HACE1: variants seen among roughly 807,000 people sequenced by gnomAD.
HACE1 encodes the protein HECT domain and ankyrin repeat containing E3 ubiquitin protein ligase 1.
A neutral mutation model predicts 118.4 loss-of-function variants in HACE1; 73 were observed. That is an observed-to-expected ratio of 0.62 (90% CI 0.51 to 0.75). The LOEUF is 0.75. HACE1 is among the 30% of genes least tolerant of loss of function. HACE1 has a pLI of 0.00. For synonymous variants in HACE1, 368 were observed against 374.8 expected, an observed-to-expected ratio of 0.98 and a Z score of 0.21; for missense variants, 749 against 1,102.2, an observed-to-expected ratio of 0.68 and a Z score of 4.54.
chr6:104,742,007 C>T (rs1290652408), intron 22 of HACE1, among the ~76,000 whole-genome samples: 1 of 150,004 alleles, frequency 6.7e-6, no homozygotes, highest in Non-Finnish European at 1.5e-5. Flanking sequence ...AATAACGCCA[C>T]GTATCTACAA....
chr6:104,803,898 C>A (rs566700543), intron 7 of HACE1, among the ~76,000 whole-genome samples: 1 of 152,204 alleles, frequency 6.6e-6, no homozygotes, highest in East Asian at 1.9e-4. Context: ...TAACAGTATT[C>A]AATTAGGAAA....
chr6:104,809,700 G>C (rs551169777), intron 7 of HACE1, among the ~76,000 whole-genome samples: 144 of 148,506 alleles, frequency 9.7e-4, no homozygotes, highest in African/African-American at 3.0e-3. Context: ...GGAAAGAAGA[G>C]ATTGGAGGGA....
chr6:104,763,483 C>CCA (rs1779631429), intron 19 of HACE1, among the ~76,000 whole-genome samples: 1 of 152,086 alleles, frequency 6.6e-6, no homozygotes, highest in South Asian at 2.1e-4. Flanking sequence ...TCTCAGCCAC[C>CCA]CGTGTAGACA....
At position 104,750,474 on chromosome 6, in the gene HACE1, T is replaced by G. The variant is rs772400789; in HGVS notation, c.2212-2A>C. ...AGTAACAAGCTGGACGTACTCCGCC[T>G]GTTGAAAAAGAAGTTTTCATGATGA... is the stretch of plus-strand genomic sequence containing the variant. On this transcript the variant is annotated splice_acceptor_variant, in intron 19 of 23. Coordinates refer to ENST00000262903, the MANE Select transcript of HACE1 (RefSeq NM_020771.4). LOFTEE classifies it high-confidence loss of function. The G allele has an allele frequency of 6.2e-7, 1 of 1,613,300 alleles. No homozygotes were observed. The highest frequency in any genetic ancestry group is 1.1e-5 in the South Asian group (1 of 91,038).
At chr6:104,738,169 C>T (rs1350060107) in intron 22 of HACE1, among the ~76,000 whole-genome samples, 4 of 152,168 alleles carry the variant, frequency 2.6e-5, no homozygotes, top group East Asian at 3.9e-4. Flanking sequence ...CCCATCTGTA[C>T]ATCACCATCA....
intron 7 of HACE1, among the ~76,000 whole-genome samples, chr6:104,806,456 T>C (rs1479721561): frequency 2.0e-5 from 3 of 152,066 alleles, no homozygotes; most frequent in African/African-American, 7.2e-5. Flanking sequence ...AACAAGACCC[T>C]GTCTCTAAAA....
chr6:104,800,111 C>A (rs1015003038), intron 7 of HACE1, among the ~76,000 whole-genome samples: 1 of 152,096 alleles, frequency 6.6e-6, no homozygotes, highest in Non-Finnish European at 1.5e-5. Context: ...TCACTGCTAG[C>A]GCAGCAGTCT....
Position 104,751,011 on chromosome 6 carries a change from C to T in HACE1, c.2212-539G>A, listed in dbSNP as rs1777984284. Among the ~76,000 whole-genome samples the T allele has an allele frequency of 2.0e-5, 3 of 152,218 alleles. No individual in the cohort carries two copies. The South Asian group carries it at 6.2e-4, about 32-fold the overall frequency. On this transcript the variant is annotated intron_variant, in intron 19 of 23. Coordinates refer to ENST00000262903, the MANE Select transcript of HACE1 (RefSeq NM_020771.4). The stretch of plus-strand genomic sequence containing the variant: ...TCTGGAGTAACATCCAAATTCCTTT[C>T]CTGGTCTCTAAGGCCCTAAATGATC...
chr6:104,828,239 C>T lies in HACE1; in HGVS notation c.534+4803G>A, dbSNP rs567644716. 1.8e-4 allele frequency among the ~76,000 whole-genome samples: 27 copies of T among 152,126 alleles called. No individual in the cohort carries two copies. The East Asian group carries it at 5.2e-3, about 29-fold the overall frequency. On this transcript the variant is annotated intron_variant, in intron 6 of 23. Coordinates refer to ENST00000262903, the MANE Select transcript of HACE1 (RefSeq NM_020771.4). ...CTAAAACTGAAATTAAAAAACAACACACTGGGCCCAGCTTCTTGTATAAGC... is the reference window on the plus strand; with the variant it reads ...CTAAAACTGAAATTAAAAAACAACATACTGGGCCCAGCTTCTTGTATAAGC...
rs150606553 is a variant in HACE1 at position 104,796,721 on chromosome 6, T to C, written c.750A>G (p.Gln250=). Residue 250 remains glutamine, a synonymous_variant, in exon 9 of 24, where the codon CAA becomes CAG. Transcript: ENST00000262903. ...GYGETCEVLI[Q]YHPRLFQTII... is the part of the protein sequence containing the mutation. ...TAGTCTGAAAAAGCCTCGGGTGATA[T>C]TGAATTAATACTTCACAAGTCTCTC... 1.9e-4 allele frequency: 308 copies of C among 1,593,894 alleles called. No homozygotes were observed. Among genetic ancestry groups the C allele is most frequent in the Non-Finnish European group, 2.3e-4 (268 of 1,162,212 alleles).
In HACE1 at chr6:104,728,911, A is replaced by C. The variant is rs1367036418; in HGVS notation, c.*751T>G. 6.6e-6 allele frequency: 1 copy of C among 152,618 alleles called. No homozygotes were observed. Among genetic ancestry groups the C allele is most frequent in the African/African-American group, 2.4e-5 (1 of 41,468 alleles). 9.5% of individuals were successfully genotyped at this position (152,618 alleles called of 1,614,324 possible). A position where few individuals can be genotyped will look rare whatever the true frequency, so the allele number is the denominator to read the frequency against. Reference sequence around the variant, plus strand: ...TCAGAGCTCACAGATAAAAGTAATGAAAAGAAACGTGGTAAAATACATTTT... The same window carrying C: ...TCAGAGCTCACAGATAAAAGTAATGCAAAGAAACGTGGTAAAATACATTTT... On this transcript the variant is annotated 3_prime_UTR_variant, in exon 24 of 24. Transcript: ENST00000262903.
At chr6:104,759,047 T>C (rs1779035233) in intron 19 of HACE1, among the ~76,000 whole-genome samples, 1 of 151,468 alleles carries the variant, frequency 6.6e-6, no homozygotes, top group Non-Finnish European at 1.5e-5. Flanking sequence ...CCCAGAATCA[T>C]AAAGCAAGTC....
At chr6:104,760,529 T>C (rs1026024731) in intron 19 of HACE1, among the ~76,000 whole-genome samples, 2 of 152,166 alleles carry the variant, frequency 1.3e-5, no homozygotes, top group African/African-American at 4.8e-5. Context: ...AAACTAGGAA[T>C]TGATGGAATG....
intron 3 of HACE1, 34 bp from the exon 4 acceptor site, chr6:104,849,280 T>G: frequency 8.8e-7 from 1 of 1,138,610 alleles, no homozygotes. Context: ...TCAGATACAT[T>G]CAACATACAG....
intron 22 of HACE1, among the ~76,000 whole-genome samples, chr6:104,742,256 G>A (rs1344899802): frequency 3.7e-5 from 5 of 136,776 alleles, no homozygotes; most frequent in East Asian, 4.1e-4. Context: ...CATGGGCAAG[G>A]ACTTCATGTC....
At chr6:104,858,533 C>A in intron 1 of HACE1, 1 of 368,244 alleles carries the variant, frequency 2.7e-6, no homozygotes, top group Non-Finnish European at 5.3e-6. Flanking sequence ...GACCTCATCT[C>A]TATAAAAGAA....
chr6:104,833,752 T>C (rs1168544384), intron 5 of HACE1, among the ~76,000 whole-genome samples: 1 of 152,126 alleles, frequency 6.6e-6, no homozygotes, highest in Non-Finnish European at 1.5e-5. Context: ...TTTGGGAGGC[T>C]GAGGCAGGCG....
intron 7 of HACE1, among the ~76,000 whole-genome samples, chr6:104,803,376 C>CA (rs1770612724): frequency 6.6e-6 from 1 of 152,178 alleles, no homozygotes; most frequent in Non-Finnish European, 1.5e-5. Flanking sequence ...AGGACAGCAT[C>CA]ATCCTGATAC....
At chr6:104,759,336 CACA>C (rs1779071895) in intron 19 of HACE1, among the ~76,000 whole-genome samples, 2 of 152,062 alleles carry the variant, frequency 1.3e-5, no homozygotes. Flanking sequence ...GAAAAGAAAT[CACA>C]ACAAACTGTC....
Sources: gnomAD v4.1 joint callset for allele counts (sites outside exome capture counted in the v4.1 genomes callset) on GRCh38, gnomAD v4.1.1 for gene constraint, MANE v1.5 for transcripts, NCBI Gene and HGNC (gene_info 2026-07-23, HGNC 2026-07-21) for gene names.